Variants in NKAIN2 observed in about 807,000 individuals in gnomAD.
The protein encoded by NKAIN2 is sodium/potassium-transporting ATPase subunit beta-1-interacting protein 2.
A neutral mutation model predicts 32.6 loss-of-function variants in NKAIN2; 14 were observed. That is an observed-to-expected ratio of 0.43 (90% CI 0.28 to 0.67). The LOEUF is 0.67. Ranked by LOEUF, NKAIN2 falls within the 30% of genes least tolerant of loss-of-function variation. NKAIN2 has a pLI of 0.17. For synonymous variants in NKAIN2, 80 were observed against 87.2 expected, an observed-to-expected ratio of 0.92 and a Z score of 0.46; for missense variants, 198 against 258.3, an observed-to-expected ratio of 0.77 and a Z score of 1.60.
At chr6:123,945,198 A>G (rs1777007879) in intron 1 of NKAIN2, among the ~76,000 whole-genome samples, 1 of 151,964 alleles carries the variant, frequency 6.6e-6, no homozygotes, top group African/African-American at 2.4e-5. Flanking sequence ...CATCTTTTTC[A>G]TCAATGTCTT....
intron 3 of NKAIN2, among the ~76,000 whole-genome samples, chr6:124,478,031 C>A (rs1213783208): frequency 2.0e-5 from 3 of 151,734 alleles, no homozygotes; most frequent in Non-Finnish European, 2.9e-5. Flanking sequence ...TCCTTTGAAG[C>A]GACAAGCACA....
intron 3 of NKAIN2, among the ~76,000 whole-genome samples, chr6:124,376,527 A>G (rs1226023405): frequency 6.6e-6 from 1 of 152,088 alleles, no homozygotes; most frequent in East Asian, 1.9e-4. Context: ...TGCAATATGT[A>G]TTTTCCCCAA....
At chr6:124,262,088 AG>A (rs1432744055) in intron 1 of NKAIN2, among the ~76,000 whole-genome samples, 5 of 152,152 alleles carry the variant, frequency 3.3e-5, no homozygotes, top group Non-Finnish European at 7.3e-5. Context: ...TGACCACCAC[AG>A]GGCCTGACAG....
At chr6:124,288,356 A>T (rs1022565428) in intron 2 of NKAIN2, among the ~76,000 whole-genome samples, 2 of 152,176 alleles carry the variant, frequency 1.3e-5, no homozygotes, top group African/African-American at 4.8e-5. Flanking sequence ...AGGTGCTGTT[A>T]AGTTGTGGGC....
At chr6:124,147,723 C>T (rs188384111) in intron 1 of NKAIN2, among the ~76,000 whole-genome samples, 8 of 152,100 alleles carry the variant, frequency 5.3e-5, no homozygotes, top group African/African-American at 7.2e-5. Flanking sequence ...CCAGCTGATA[C>T]GTGTTTGCTG....
chr6:124,093,813 A>C (rs1784531405), intron 1 of NKAIN2, among the ~76,000 whole-genome samples: 3 of 152,100 alleles, frequency 2.0e-5, no homozygotes, highest in Non-Finnish European at 2.9e-5. Context: ...CCTGATTTCC[A>C]CCACACTACC....
intron 1 of NKAIN2, among the ~76,000 whole-genome samples, chr6:124,063,694 A>AT (rs1421696692): frequency 6.6e-6 from 1 of 152,056 alleles, no homozygotes; most frequent in East Asian, 1.9e-4. Flanking sequence ...TGGTTTAGTA[A>AT]TTTTTTCTGT....
chr6:124,255,231 C>A (rs887319136), intron 1 of NKAIN2, among the ~76,000 whole-genome samples: 1 of 152,056 alleles, frequency 6.6e-6, no homozygotes, highest in Non-Finnish European at 1.5e-5. Flanking sequence ...TGTGGTTGGC[C>A]CCATCTTGTG....
chr6:124,478,207 A>T (rs1304468800), intron 3 of NKAIN2, among the ~76,000 whole-genome samples: 1 of 152,190 alleles, frequency 6.6e-6, no homozygotes, highest in East Asian at 1.9e-4. Flanking sequence ...GTCTTAACAG[A>T]TATAAGGAAA....
chr6:123,938,396 T>TCA (rs1776622544), intron 1 of NKAIN2, among the ~76,000 whole-genome samples: 1 of 54,186 alleles, frequency 1.8e-5, no homozygotes, highest in Non-Finnish European at 3.7e-5. Context: ...TTTGCAAGGG[T>TCA]TATATATATA....
chr6:124,615,993 C>A (rs1160622065), intron 3 of NKAIN2, among the ~76,000 whole-genome samples: 1 of 152,072 alleles, frequency 6.6e-6, no homozygotes, highest in African/African-American at 2.4e-5. Flanking sequence ...TAGCTCAAAT[C>A]CCCATTTGTT....
intron 2 of NKAIN2, among the ~76,000 whole-genome samples, chr6:124,331,379 A>AAAAAAAAAAAG (rs1797651235): frequency 2.4e-5 from 3 of 126,740 alleles, no homozygotes; most frequent in Non-Finnish European, 3.4e-5. Flanking sequence ...AAAAAAAAAA[A>AAAAAAAAAAAG]CTAGCTGGGC....
In NKAIN2 at chr6:124,371,334, C is replaced by T. The variant is rs1288920424; in HGVS notation, c.273+15987C>T. Among the ~76,000 whole-genome samples, 3 of 151,614 alleles carry T rather than the reference C, an allele frequency of 2.0e-5. No homozygotes were observed. In the East Asian group the frequency reaches 5.8e-4, roughly 29 times the overall value. ...AGAGTGTTTCCCTACAATCTTGTAA[C>T]TCTAGAAAGATGAGCATTCTTAGTC... On this transcript the variant is annotated intron_variant, in intron 3 of 6. Coordinates refer to ENST00000368417, the MANE Select transcript of NKAIN2 (RefSeq NM_001040214.3).
intron 1 of NKAIN2, among the ~76,000 whole-genome samples, chr6:123,905,711 T>TA (rs201665239): frequency 1.1e-4 from 17 of 150,446 alleles, no homozygotes; most frequent in South Asian, 2.1e-4. Flanking sequence ...CTGACTCAGA[T>TA]AAAAAAAAAG....
chr6:124,590,527 C>T (rs747536267), intron 3 of NKAIN2, among the ~76,000 whole-genome samples: 12 of 140,214 alleles, frequency 8.6e-5, no homozygotes, highest in South Asian at 2.2e-4. Flanking sequence ...ACATGAGAGC[C>T]GATGGATACT....
intron 3 of NKAIN2, among the ~76,000 whole-genome samples, chr6:124,492,177 A>G (rs548774724): frequency 6.6e-6 from 1 of 152,168 alleles, no homozygotes; most frequent in South Asian, 2.1e-4. Context: ...ACCTTTCTAA[A>G]AAATGATATT....
intron 1 of NKAIN2, among the ~76,000 whole-genome samples, chr6:123,849,966 G>GTTTTTTTTTTTT (rs1775257120): frequency 4.5e-5 from 1 of 22,306 alleles, no homozygotes; most frequent in African/African-American, 6.2e-5. Context: ...TTTTTTGTTT[G>GTTTTTTTTTTTT]TTTGTTTTTT....
intron 3 of NKAIN2, among the ~76,000 whole-genome samples, chr6:124,518,098 A>G (rs748921127): frequency 2.6e-5 from 4 of 152,096 alleles, no homozygotes; most frequent in Non-Finnish European, 5.9e-5. Context: ...TTATTGTACC[A>G]TGAAAGCTAA....
chr6:124,324,356 C>CT (rs201882327), intron 2 of NKAIN2, among the ~76,000 whole-genome samples: 3,193 of 151,854 alleles, frequency 0.021, 61 homozygotes, highest in Non-Finnish European at 0.028. Context: ...TATCTGAGGC[C>CT]TTTTTTTAGC....
Sources: gnomAD v4.1 joint callset for allele counts (sites outside exome capture counted in the v4.1 genomes callset) on GRCh38, gnomAD v4.1.1 for gene constraint, MANE v1.5 for transcripts, NCBI Gene and HGNC (gene_info 2026-07-23, HGNC 2026-07-21) for gene names.